The following CTHRC1 variants were observed in gnomAD, a reference collection of about 807,000 sequenced individuals.
The protein encoded by CTHRC1 is collagen triple helix repeat-containing protein 1.
In CTHRC1, 21 loss-of-function variants were observed where a neutral mutation model predicts 25.9. That is an observed-to-expected ratio of 0.81 (90% CI 0.57 to 1.17). The LOEUF (loss-of-function observed/expected upper bound fraction) is 1.17. CTHRC1 is among the 50% of genes most tolerant of loss of function. The probability of loss-of-function intolerance (pLI) is 0.00; values close to 1 mark genes in which losing one functional copy is unlikely to be tolerated. For synonymous variants in CTHRC1, 109 were observed against 113.1 expected, an observed-to-expected ratio of 0.96 and a Z score of 0.23; for missense variants, 281 against 304.3, an observed-to-expected ratio of 0.92 and a Z score of 0.57.
chr8:103,378,366 G>C, intron 3 of CTHRC1, 123 bp downstream of exon 3: 1 of 754,806 alleles, frequency 1.3e-6, no homozygotes, highest in South Asian at 1.5e-5. Context: ...TTCAATGCAT[G>C]ATTCTCCACC....
chr8:103,372,748 T>C (rs1234213706), intron 1 of CTHRC1: 1 of 1,045,762 alleles, frequency 9.6e-7, no homozygotes, highest in Non-Finnish European at 1.4e-6. Context: ...GAGGGAGCCT[T>C]TCAGAGCTAC....
intron 1 of CTHRC1, among the ~76,000 whole-genome samples, chr8:103,374,808 T>TTATTATTATC (rs1314437831): frequency 6.6e-6 from 1 of 152,180 alleles, no homozygotes; most frequent in Non-Finnish European, 1.5e-5. Context: ...GTAAGACTCT[T>TTATTATTATC]TATTATTATC....
At chr8:103,376,038 A>ATT in intron 2 of CTHRC1, 79 bp downstream of exon 2, 2 of 1,108,776 alleles carry the variant, frequency 1.8e-6, no homozygotes, top group Non-Finnish European at 2.7e-6. Context: ...GTGACATTTT[A>ATT]TTTTTTTTTA....
At chr8:103,380,127 T>C (rs924902744) in intron 3 of CTHRC1, among the ~76,000 whole-genome samples, 3 of 152,210 alleles carry the variant, frequency 2.0e-5, no homozygotes, top group Admixed American at 6.5e-5. Context: ...AATCTAGATA[T>C]TAAAAATAAA....
At chr8:103,378,733 A>G (rs929996836) in intron 3 of CTHRC1, among the ~76,000 whole-genome samples, 1 of 152,108 alleles carries the variant, frequency 6.6e-6, no homozygotes, top group Admixed American at 6.6e-5. Flanking sequence ...ATCTCTTGGT[A>G]GGCTGGGCGT....
intron 3 of CTHRC1, 127 bp from the exon 4 acceptor site, chr8:103,382,331 A>G (rs1815927654): frequency 9.0e-6 from 8 of 892,898 alleles, no homozygotes; most frequent in Admixed American, 8.6e-5. Context: ...CTTATCAAGT[A>G]TTAAAATTTT....
At chr8:103,372,917 T>G (rs967075029) in intron 1 of CTHRC1, among the ~76,000 whole-genome samples, 1 of 152,198 alleles carries the variant, frequency 6.6e-6, no homozygotes, top group South Asian at 2.1e-4. Context: ...CCAAGTTCCC[T>G]GGCAGCTAGT....
chr8:103,377,954 T>A, intron 2 of CTHRC1, 73 bp from the exon 3 acceptor site: 1 of 1,254,346 alleles, frequency 8.0e-7, no homozygotes, highest in Admixed American at 1.7e-5. Context: ...TAAGTAAAAT[T>A]CACCAGTCTC....
chr8:103,376,087 CTT>C lies in CTHRC1; in HGVS notation c.372+131_372+132del, dbSNP rs1815802630. The C allele has an allele frequency of 8.8e-5, 64 of 729,086 alleles. 1 individual carries two copies. In the South Asian group the frequency reaches 1.0e-3, roughly 12 times the overall value. 45.2% of individuals were successfully genotyped at this position (729,086 alleles called of 1,614,324 possible). ...AAAAAGAGAAGTAGGTAGCATGTGACTTTTAATTTAAAACTAATGAAAAAGTT... is the reference window on the plus strand; with the variant it reads ...AAAAAGAGAAGTAGGTAGCATGTGACTTAATTTAAAACTAATGAAAAAGTT... On this transcript the variant is annotated intron_variant, in intron 2 of 3. Coordinates refer to ENST00000330295, the MANE Select transcript of CTHRC1 (RefSeq NM_138455.4).
intron 1 of CTHRC1, chr8:103,372,354 C>T: frequency 1.9e-6 from 2 of 1,053,856 alleles, no homozygotes; most frequent in Non-Finnish European, 2.6e-6. Context: ...GACTATGAGT[C>T]ACGTTGGGTC....
At chr8:103,382,078 T>C (rs192968035) in intron 3 of CTHRC1, among the ~76,000 whole-genome samples, 1 of 152,144 alleles carries the variant, frequency 6.6e-6, no homozygotes, top group Non-Finnish European at 1.5e-5. Context: ...TTTCTTTTTT[T>C]AAAAAAGACT....
intron 3 of CTHRC1, among the ~76,000 whole-genome samples, chr8:103,381,118 T>C (rs1361375629): frequency 2.6e-5 from 4 of 152,106 alleles, no homozygotes; most frequent in African/African-American, 7.2e-5. Flanking sequence ...TTATTATACT[T>C]TAAGTTCTAG....
intron 3 of CTHRC1, among the ~76,000 whole-genome samples, chr8:103,379,775 C>T (rs1815873537): frequency 6.6e-6 from 1 of 152,170 alleles, no homozygotes; most frequent in African/African-American, 2.4e-5. Flanking sequence ...TTTCAGCATT[C>T]TTTAGGGCTC....
Position 103,382,572 on chromosome 8 carries a change from G to A in CTHRC1, c.704G>A (p.Arg235His), listed in dbSNP as rs767759004. ...DASTGWNSVS[R>H]IIIEELPK ...TCTACTGGATGGAATTCAGTTTCTCGCATCATTATTGAAGAACTACCAAAA... is the reference window on the plus strand; with the variant it reads ...TCTACTGGATGGAATTCAGTTTCTCACATCATTATTGAAGAACTACCAAAA... The change falls in exon 4 of 4, where the codon CGC (arginine) becomes CAC (histidine). Residue 235 changes from arginine (R) to histidine (H), a missense_variant. Coordinates refer to ENST00000330295, the MANE Select transcript of CTHRC1 (RefSeq NM_138455.4). 1.6e-5 allele frequency: 26 copies of A among 1,613,078 alleles called. No homozygotes were observed. Among genetic ancestry groups the A allele is most frequent in the African/African-American group, 2.7e-5 (2 of 74,858 alleles).
rs1018465649 is a variant in CTHRC1 at position 103,371,612 on chromosome 8, G to A, written c.-45G>A. 1.3e-6 allele frequency: 2 copies of A among 1,523,836 alleles called. No homozygotes were observed. The highest frequency in any genetic ancestry group is 1.8e-6 in the Non-Finnish European group (2 of 1,137,526). The allele number at this position is 1,523,836 out of a possible 1,614,324, so 94.4% of individuals were successfully genotyped here. A position where few individuals can be genotyped will look rare whatever the true frequency, so the allele number is the denominator to read the frequency against. ...AGACGCTGACCACGTTCCTCTCCTC[G>A]GTCTCCTCCGCCTCCAGCTCCGCGC... On this transcript the variant is annotated 5_prime_UTR_variant, in exon 1 of 4. Transcript: ENST00000330295.
chr8:103,373,830 T>C lies in CTHRC1; in HGVS notation c.151-1908T>C, dbSNP rs757162264. Among the ~76,000 whole-genome samples the C allele has an allele frequency of 2.3e-4, 35 of 151,844 alleles. No individual in the cohort carries two copies. In the Middle Eastern group the frequency reaches 0.02, roughly 89 times the overall value. On this transcript the variant is annotated intron_variant, in intron 1 of 3. Transcript: ENST00000330295. ...ATATATAATGAAGTAAAATTTAGTC[T>C]GTGTAGCATCTTGCCCTGAGGGGAA...
chr8:103,375,384 G>A (rs1351703720), intron 1 of CTHRC1, among the ~76,000 whole-genome samples: 1 of 152,130 alleles, frequency 6.6e-6, no homozygotes. Flanking sequence ...CCCTTTGCAA[G>A]ATACAGAGTT....
intron 1 of CTHRC1, among the ~76,000 whole-genome samples, chr8:103,372,226 A>ACCTGGG (rs1347037723): frequency 1.3e-5 from 2 of 152,088 alleles, no homozygotes; most frequent in Admixed American, 6.5e-5. Flanking sequence ...GATCACATGG[A>ACCTGGG]CCTGGGCCTG....
At chr8:103,379,480 A>C (rs951584276) in intron 3 of CTHRC1, among the ~76,000 whole-genome samples, 16 of 152,096 alleles carry the variant, frequency 1.1e-4, no homozygotes. Flanking sequence ...AGAGTTAAAA[A>C]AAAAAAAAAC....
Sources: allele counts gnomAD v4.1 joint callset (sites outside exome capture counted in the v4.1 genomes callset), GRCh38; gene constraint gnomAD v4.1.1; transcripts MANE v1.5; gene names NCBI Gene and HGNC (gene_info 2026-07-23, HGNC 2026-07-21).